The following THEMIS variants were observed in gnomAD, a reference collection of about 807,000 sequenced individuals.
THEMIS encodes protein THEMIS.
Under a neutral mutation model 52.6 loss-of-function variants are expected in THEMIS, and 37 were observed. The ratio of observed to expected loss-of-function variants is 0.70; its 90% confidence interval spans 0.54 to 0.93. THEMIS has a LOEUF of 0.93. Among genes scored for constraint, THEMIS ranks in the 40% least tolerant of loss-of-function variants. The pLI, the probability that THEMIS is intolerant of heterozygous loss-of-function variation, is 0.00. For missense variants in THEMIS, 808 were observed against 763.1 expected (o/e 1.06, Z -0.69); for synonymous variants, 292 against 272.7 (o/e 1.07, Z -0.70).
chr6:127,905,829 A>G (rs9321100), upstream of THEMIS, among the ~76,000 whole-genome samples: 38,731 of 77,486 alleles, frequency 0.5, 7,404 homozygotes, highest in East Asian at 0.8. Context: ...ATGGTAAATG[A>G]ATGATAAAAT....
At chr6:127,906,038 T>G (rs965040364), upstream of THEMIS, among the ~76,000 whole-genome samples, 1 of 143,028 alleles carries the variant, frequency 7.0e-6, no homozygotes, top group Admixed American at 6.8e-5. Context: ...ATGAAATAAT[T>G]TTTACAAATA....
chr6:127,879,977 G>A (rs758530820), intron 1 of THEMIS, among the ~76,000 whole-genome samples: 16 of 152,128 alleles, frequency 1.1e-4, no homozygotes, highest in Non-Finnish European at 2.1e-4. Context: ...GCCCAGTCAC[G>A]CAGGTTACAG....
In THEMIS at chr6:127,720,893, G is replaced by A. The variant is rs1484190885; in HGVS notation, c.1759-1070C>T. 2.6e-5 allele frequency among the ~76,000 whole-genome samples: 4 copies of A among 152,054 alleles called. No homozygotes were observed. In the South Asian group the frequency reaches 6.2e-4, roughly 24 times the overall value. On this transcript the variant is annotated intron_variant, in intron 4 of 5. Coordinates refer to ENST00000368248, the MANE Select transcript of THEMIS (RefSeq NM_001010923.3). ...TGATTGATTTCTTAAGATTTTTAAT[G>A]TGGTGGACTGGATGTATGGATAGCC...
At chr6:127,720,589 G>A (rs1181306059) in intron 4 of THEMIS, among the ~76,000 whole-genome samples, 1 of 151,946 alleles carries the variant, frequency 6.6e-6, no homozygotes, top group African/African-American at 2.4e-5. Context: ...GATTCTCAGC[G>A]TAAATATTAG....
chr6:127,865,834 A>G (rs1347753279), intron 1 of THEMIS, among the ~76,000 whole-genome samples: 1 of 152,124 alleles, frequency 6.6e-6, no homozygotes, highest in Non-Finnish European at 1.5e-5. Context: ...ACTGGATTTA[A>G]CACCTCAATG....
intron 4 of THEMIS, among the ~76,000 whole-genome samples, chr6:127,780,301 G>C (rs993335655): frequency 3.9e-5 from 6 of 152,138 alleles, no homozygotes; most frequent in African/African-American, 9.7e-5. Context: ...CTCTGCACAG[G>C]AGATGGGTCT....
intron 4 of THEMIS, among the ~76,000 whole-genome samples, chr6:127,789,676 C>T (rs1777094039): frequency 6.6e-6 from 1 of 152,172 alleles, no homozygotes; most frequent in Non-Finnish European, 1.5e-5. Context: ...GCTTATCCAC[C>T]ACCATCAAGT....
rs147510916 is a variant in THEMIS at position 127,829,563 on chromosome 6, T to C, written c.622A>G (p.Lys208Glu). Residue 208 changes from lysine (K) to glutamate (E), a missense_variant, in exon 3 of 6, where the codon AAG becomes GAG. Physicochemically the swap from Lys to Glu is moderately conservative, Grantham distance 56. Coordinates refer to ENST00000368248, the MANE Select transcript of THEMIS (RefSeq NM_001010923.3). ...GGAAATGGATTCGTTGAGTCCCACT[T>C]ATTTGAAAAATCTGTAAGGTTTACA... ...RTVNLTDFSN[K>E]WDSTNPFPKD... is the part of the protein sequence containing the mutation. 2,136 of 1,614,126 alleles carry C rather than the reference T, an allele frequency of 1.3e-3. 3 individuals carry two copies. Among genetic ancestry groups the C allele is most frequent in the Non-Finnish European group, 1.6e-3 (1,928 of 1,179,984 alleles).
upstream of THEMIS, among the ~76,000 whole-genome samples, chr6:127,902,283 C>G (rs753567914): frequency 6.8e-6 from 1 of 147,696 alleles, no homozygotes; most frequent in East Asian, 2.0e-4. Context: ...TGTGAACATG[C>G]CACTGCATTC....
At chr6:127,730,727 A>G (rs887161361) in intron 4 of THEMIS, among the ~76,000 whole-genome samples, 2 of 152,170 alleles carry the variant, frequency 1.3e-5, no homozygotes, top group Non-Finnish European at 2.9e-5. Context: ...AACATCAAAA[A>G]TATTCCAAAA....
At chr6:127,912,705 G>A (rs935666818) in intron 1 of THEMIS, among the ~76,000 whole-genome samples, 6 of 152,086 alleles carry the variant, frequency 3.9e-5, no homozygotes, top group African/African-American at 1.4e-4. Context: ...CTACTTCTAT[G>A]GCCTAACTTA....
At position 127,807,019 on chromosome 6, in the gene THEMIS, T is replaced by C. The variant is rs567711112; in HGVS notation, c.1758+5864A>G. Among the ~76,000 whole-genome samples, 6 of 152,286 alleles carry C rather than the reference T, an allele frequency of 3.9e-5. 1 individual carries two copies. The South Asian group carries it at 1.2e-3, about 32-fold the overall frequency. ...CTGGCAACTCAAAAACCATGATTTA[T>C]TAATCTGTACATGTCTTACTCTAAG... On this transcript the variant is annotated intron_variant, in intron 4 of 5. Coordinates refer to ENST00000368248, the MANE Select transcript of THEMIS (RefSeq NM_001010923.3).
At chr6:127,817,995 C>T (rs1177593922) in intron 3 of THEMIS, among the ~76,000 whole-genome samples, 1 of 152,134 alleles carries the variant, frequency 6.6e-6, no homozygotes, top group African/African-American at 2.4e-5. Context: ...TTAAAAAATG[C>T]CTGTCCTCAA....
At position 127,813,757 on chromosome 6, in the gene THEMIS, T is replaced by C. The variant is rs1428845405; in HGVS notation, c.884A>G (p.His295Arg). 1.2e-6 allele frequency: 2 copies of C among 1,613,948 alleles called. No homozygotes were observed. The highest frequency in any genetic ancestry group is 3.3e-5 in the Admixed American group (2 of 59,974). ...AGGCTGTAAAATGCTTTGGGGCAGG[T>C]GGTTTCCTTCAGGTGCTTCTATGAC... ...TEVIEAPEGN[H>R]LPQSILQPGK... The change falls in exon 4 of 6, where the codon CAC (histidine) becomes CGC (arginine). Residue 295 changes from histidine (H) to arginine (R), a missense_variant. By Grantham distance (29) the His-to-Arg change is conservative. Transcript: ENST00000368248.
Position 127,712,241 on chromosome 6 carries a change from A to G in THEMIS, c.1895-2225T>C, listed in dbSNP as rs550167243. 6.0e-4 allele frequency among the ~76,000 whole-genome samples: 91 copies of G among 152,040 alleles called. No individual in the cohort carries two copies. In the East Asian group the frequency reaches 0.014, roughly 23 times the overall value. ...TAATTAGATTATTTCCAAATAAAAA[A>G]CTGGGATTTAAACAATCTTAGTTTT... On this transcript the variant is annotated intron_variant, in intron 5 of 5. Coordinates refer to ENST00000368248, the MANE Select transcript of THEMIS (RefSeq NM_001010923.3).
rs778827895 is a variant in THEMIS at position 127,855,162 on chromosome 6, C to G, written c.118G>C (p.Glu40Gln). Residue 40 changes from glutamate (E) to glutamine (Q), a missense_variant, in exon 2 of 6, where the codon GAA becomes CAA. By Grantham distance (29) the Glu-to-Gln change is conservative (BLOSUM62 2). Transcript: ENST00000368248. ...EGSIYEMFGN[E>Q]CCFSTGEVIK... ...ACTTCTCCTGTTGAAAAACAGCATT[C>G]ATTTCCAAACATTTCATAAATAGAG... The G allele has an allele frequency of 2.5e-6, 4 of 1,600,678 alleles. No homozygotes were observed. Among genetic ancestry groups the G allele is most frequent in the Non-Finnish European group, 3.4e-6 (4 of 1,175,018 alleles).
intron 4 of THEMIS, among the ~76,000 whole-genome samples, chr6:127,749,038 G>C (rs1775545631): frequency 6.6e-6 from 1 of 151,994 alleles, no homozygotes; most frequent in East Asian, 1.9e-4. Context: ...GTCTCATTTA[G>C]TTTAACATTC....
chr6:127,702,154 C>T, the THEMIS span, among the ~76,000 whole-genome samples: 52 of 152,076 alleles, frequency 3.4e-4, no homozygotes, highest in African/African-American at 1.2e-3. Flanking sequence ...TTTTGAAAAT[C>T]TTTTAACTGG....
chr6:127,719,535 A>G (rs1383771619), intron 5 of THEMIS, among the ~76,000 whole-genome samples, 153 bp downstream of exon 5: 2 of 151,938 alleles, frequency 1.3e-5, no homozygotes, highest in African/African-American at 2.4e-5. Context: ...CTTCACATAA[A>G]TCTTCATTTC....
Sources: allele counts gnomAD v4.1 joint callset (sites outside exome capture counted in the v4.1 genomes callset), GRCh38; gene constraint gnomAD v4.1.1; transcripts MANE v1.5; gene names NCBI Gene and HGNC (gene_info 2026-07-23, HGNC 2026-07-21).